ZMIZ1: variants seen among roughly 807,000 people sequenced by gnomAD.
The protein encoded by ZMIZ1 is zinc finger MIZ domain-containing protein 1.
ZMIZ1 carries 17 observed loss-of-function variants against 113.9 expected under a neutral mutation model. The observed-to-expected ratio is 0.15, with a 90% CI of 0.10 to 0.22. The LOEUF is 0.22. Among genes scored for constraint, ZMIZ1 ranks in the 10% least tolerant of loss-of-function variants. The probability of loss-of-function intolerance (pLI) is 1.00; values close to 1 mark genes in which losing one functional copy is unlikely to be tolerated. For missense variants in ZMIZ1, 1,059 were observed against 1,477.8 expected, an observed-to-expected ratio of 0.72 and a Z score of 4.65; for synonymous variants, 607 against 603.1, an observed-to-expected ratio of 1.01 and a Z score of -0.09.
intron 4 of ZMIZ1, among the ~76,000 whole-genome samples, chr10:79,195,812 T>G (rs1450524069): frequency 6.6e-6 from 1 of 152,148 alleles, no homozygotes; most frequent in Admixed American, 6.5e-5. Flanking sequence ...AACAGCACAT[T>G]AACAGCTGGA....
intron 1 of ZMIZ1, among the ~76,000 whole-genome samples, chr10:79,115,794 G>A (rs1299437401): frequency 1.3e-5 from 2 of 152,254 alleles, no homozygotes; most frequent in African/African-American, 4.8e-5. Context: ...GCCCCAGCCA[G>A]TCACTCACCT....
intron 7 of ZMIZ1, among the ~76,000 whole-genome samples, chr10:79,272,680 G>GGT (rs1395668657): frequency 5.9e-5 from 9 of 152,236 alleles, no homozygotes; most frequent in Admixed American, 1.3e-4. Flanking sequence ...AGAACACCTT[G>GGT]GTACTGTAGG....
At chr10:79,222,470 C>T (rs1009857021) in intron 7 of ZMIZ1, among the ~76,000 whole-genome samples, 2 of 152,210 alleles carry the variant, frequency 1.3e-5, no homozygotes, top group African/African-American at 4.8e-5. Context: ...AACGCAGCAG[C>T]CCGAGTCCTG....
chr10:79,224,357 G>A (rs541678170), intron 7 of ZMIZ1, among the ~76,000 whole-genome samples: 2 of 152,190 alleles, frequency 1.3e-5, no homozygotes, highest in Non-Finnish European at 2.9e-5. Context: ...GTTGGAGTTG[G>A]CAGGGGCAGG....
At chr10:79,174,955 T>G (rs1430839891) in intron 4 of ZMIZ1, among the ~76,000 whole-genome samples, 1 of 152,216 alleles carries the variant, frequency 6.6e-6, no homozygotes, top group Non-Finnish European at 1.5e-5. Context: ...CCTTCCATTG[T>G]GTGTCTTTGA....
intron 1 of ZMIZ1, among the ~76,000 whole-genome samples, chr10:79,098,993 G>A (rs1328378189): frequency 6.6e-6 from 1 of 152,318 alleles, no homozygotes; most frequent in Admixed American, 6.5e-5. Flanking sequence ...TAGCAGAGGA[G>A]CCAAATGGGA....
At chr10:79,164,442 C>T (rs1009531846) in intron 4 of ZMIZ1, among the ~76,000 whole-genome samples, 3 of 52,736 alleles carry the variant, frequency 5.7e-5, no homozygotes, top group Non-Finnish European at 1.2e-4. Context: ...GTGAGTGATT[C>T]TCATGCGTCT....
chr10:79,104,950 GGTGTGTGTGTGTGTGTGTGT>G (rs58453718), intron 1 of ZMIZ1, among the ~76,000 whole-genome samples: 4 of 140,092 alleles, frequency 2.9e-5, no homozygotes, highest in South Asian at 2.3e-4. Context: ...GTTGTTGTGG[GGTGTGTGTGTGTGTGTGTGT>G]GTGTGTGTGT....
At chr10:79,134,885 C>T (rs935533043) in intron 2 of ZMIZ1, among the ~76,000 whole-genome samples, 1 of 151,370 alleles carries the variant, frequency 6.6e-6, no homozygotes, top group Non-Finnish European at 1.5e-5. Context: ...CTGGTGCTAT[C>T]TTGGCTCACT....
rs192485476 is a variant in ZMIZ1, at chr10:79,183,581, A to G, written c.-49-18003A>G. 7.9e-5 allele frequency among the ~76,000 whole-genome samples: 12 copies of G among 152,176 alleles called. No homozygotes were observed. The East Asian group carries it at 2.3e-3, about 30-fold the overall frequency. ...CATGGTTGGAGAAAGAGTGTGTTAC[A>G]TGGGTTACGAGCGTGAGCTCTGAAG... On this transcript the variant is annotated intron_variant, in intron 4 of 24. Coordinates refer to ENST00000334512, the MANE Select transcript of ZMIZ1 (RefSeq NM_020338.4).
At chr10:79,194,439 G>A (rs1372984510) in intron 4 of ZMIZ1, among the ~76,000 whole-genome samples, 1 of 152,206 alleles carries the variant, frequency 6.6e-6, no homozygotes, top group Admixed American at 6.5e-5. Context: ...CTGACTGTTC[G>A]GTTGGCTGCC....
In ZMIZ1 at chr10:79,126,629, C is replaced by T. The variant is rs778907142; in HGVS notation, c.-227+7605C>T. On this transcript the variant is annotated intron_variant, in intron 2 of 24. Transcript: ENST00000334512. The stretch of plus-strand genomic sequence containing the variant: ...AAAGAAATGAGGCTGGAGGTGCCCC[C>T]GGGGGGTTGGAGACGGCAGAAGGAA... 3.9e-5 allele frequency among the ~76,000 whole-genome samples: 6 copies of T among 152,168 alleles called. No homozygotes were observed. The East Asian group carries it at 9.6e-4, about 24-fold the overall frequency.
Position 79,302,000 on chromosome 10 carries a change from T to A in ZMIZ1, c.2020-107T>A, listed in dbSNP as rs1423374728. On this transcript the variant is annotated intron_variant, in intron 17 of 24. Transcript: ENST00000334512. The stretch of plus-strand genomic sequence containing the variant: ...CAGGAGACACCCTGGGGGAGCCTCC[T>A]GGGCCGGCTGTGGGATCCTGGGAGC... The A allele has an allele frequency of 6.2e-6, 7 of 1,132,828 alleles. No individual in the cohort carries two copies. The East Asian group carries it at 1.7e-4, about 27-fold the overall frequency. 70.2% of individuals were successfully genotyped at this position (1,132,828 alleles called of 1,614,324 possible).
chr10:79,251,248 T>G (rs562002086), intron 7 of ZMIZ1, among the ~76,000 whole-genome samples: 2 of 152,222 alleles, frequency 1.3e-5, no homozygotes, highest in African/African-American at 4.8e-5. Context: ...CCTCTCACCC[T>G]GTCTAAGCCT....
chr10:79,224,437 G>A (rs144943106), intron 7 of ZMIZ1, among the ~76,000 whole-genome samples: 62 of 152,228 alleles, frequency 4.1e-4, no homozygotes, highest in African/African-American at 1.4e-3. Flanking sequence ...CTGGTTCCCC[G>A]AGAGCTCCAG....
At chr10:79,253,352 G>A (rs1850666229) in intron 7 of ZMIZ1, among the ~76,000 whole-genome samples, 1 of 152,150 alleles carries the variant, frequency 6.6e-6, no homozygotes, top group African/African-American at 2.4e-5. Flanking sequence ...AAACACACTG[G>A]GTGTTGGGAG....
At chr10:79,232,758 C>G (rs567605615) in intron 7 of ZMIZ1, among the ~76,000 whole-genome samples, 1 of 152,116 alleles carries the variant, frequency 6.6e-6, no homozygotes, top group Non-Finnish European at 1.5e-5. Flanking sequence ...TTCAGCTTTA[C>G]GAAAATATTA....
At chr10:79,309,527 GTC>G (rs1445021647) in intron 23 of ZMIZ1, among the ~76,000 whole-genome samples, 31 of 152,344 alleles carry the variant, frequency 2.0e-4, no homozygotes, top group African/African-American at 7.2e-4. Context: ...TTGCGAGGTC[GTC>G]TCATTCTTGG....
chr10:79,114,480 T>TGTGTGTGC (rs1843911110), intron 1 of ZMIZ1, among the ~76,000 whole-genome samples: 1 of 116,022 alleles, frequency 8.6e-6, no homozygotes, highest in African/African-American at 3.6e-5. Flanking sequence ...TGTGTGTCTG[T>TGTGTGTGC]GTGTGTGTGT....
Sources: allele counts gnomAD v4.1 joint callset (sites outside exome capture counted in the v4.1 genomes callset), GRCh38; gene constraint gnomAD v4.1.1; transcripts MANE v1.5; gene names NCBI Gene and HGNC (gene_info 2026-07-23, HGNC 2026-07-21).